NBAS: variants seen among roughly 807,000 people sequenced by gnomAD.
NBAS encodes the protein NAG/BC035112 fusion.
NBAS carries 219 observed loss-of-function variants against 302.5 expected under a neutral mutation model. The ratio of observed to expected loss-of-function variants is 0.72; its 90% CI spans 0.65 to 0.81. The LOEUF is 0.81. NBAS is among the 30% of genes least tolerant of loss of function. The pLI is 0.00. For missense variants in NBAS, 2,932 were observed against 2,841.6 expected (o/e 1.03, Z -0.72); for synonymous variants, 1,118 against 1,021.6 (o/e 1.09, Z -1.80).
the NBAS span, among the ~76,000 whole-genome samples, chr2:14,940,342 C>G: frequency 2.6e-5 from 4 of 152,154 alleles, no homozygotes; most frequent in Non-Finnish European, 5.9e-5. Context: ...AGCACCTCCC[C>G]TCTCTTTTCC....
chr2:15,332,251 A>G (rs1291084229), intron 35 of NBAS, among the ~76,000 whole-genome samples: 2 of 152,168 alleles, frequency 1.3e-5, no homozygotes, highest in Admixed American at 6.5e-5. Context: ...CGGCACCTTG[A>G]TTTTGGCCTT....
In NBAS at chr2:15,356,365, T is replaced by A; in HGVS notation, c.3869A>T (p.Gln1290Leu). 1 of 1,613,930 alleles carries A rather than the reference T, an allele frequency of 6.2e-7. No individual in the cohort carries two copies. The change falls in exon 33 of 52, where the codon CAG (glutamine) becomes CTG (leucine). Residue 1290 changes from glutamine (Q) to leucine (L), a missense_variant. By Grantham distance (113) the Gln-to-Leu change is moderately radical. Transcript: ENST00000281513. ...RGQVLILLVEQALRFHDYKAA... is the reference protein window; with the variant it reads ...RGQVLILLVELALRFHDYKAA... The stretch of plus-strand genomic sequence containing the variant: ...TTTGTAGTCATGGAAGCGAAGTGCC[T>A]GCTCCACTAAAAGGATTAGAACCTG...
the NBAS span, among the ~76,000 whole-genome samples, chr2:14,896,581 C>T: frequency 4.6e-5 from 7 of 152,082 alleles, no homozygotes; most frequent in African/African-American, 1.7e-4. Context: ...AGTTCTCTTG[C>T]CATTTTTTTT....
intron 29 of NBAS, among the ~76,000 whole-genome samples, chr2:15,380,078 A>G (rs944329475): frequency 6.6e-6 from 1 of 152,206 alleles, no homozygotes; most frequent in Non-Finnish European, 1.5e-5. Context: ...TTCATTGACT[A>G]AACCAAAATT....
At chr2:15,327,560 T>C (rs112295237) in intron 38 of NBAS, among the ~76,000 whole-genome samples, 190 bp downstream of exon 38, 5 of 152,180 alleles carry the variant, frequency 3.3e-5, no homozygotes, top group Admixed American at 1.3e-4. Context: ...ATCCTGAAAA[T>C]AGCAGGTTCT....
At chr2:14,999,050 C>T in the NBAS span, among the ~76,000 whole-genome samples, 5 of 152,226 alleles carry the variant, frequency 3.3e-5, no homozygotes, top group South Asian at 8.3e-4. Context: ...TCTCAGAGAC[C>T]CTCTAAAAGT....
At chr2:15,053,701 G>A in the NBAS span, among the ~76,000 whole-genome samples, 10 of 152,026 alleles carry the variant, frequency 6.6e-5, no homozygotes, top group South Asian at 4.2e-4. Flanking sequence ...CCTAGGGCAC[G>A]TCCATGTGGA....
the NBAS span, among the ~76,000 whole-genome samples, chr2:14,999,399 C>T: frequency 6.6e-6 from 1 of 152,128 alleles, no homozygotes; most frequent in Non-Finnish European, 1.5e-5. Context: ...TGTGTCCCCA[C>T]CCAAATCTCC....
intron 21 of NBAS, among the ~76,000 whole-genome samples, chr2:15,439,143 C>A (rs1358825803): frequency 2.6e-5 from 4 of 151,446 alleles, no homozygotes; most frequent in Admixed American, 6.6e-5. Context: ...AAAATACACA[C>A]ACAAAAAAAA....
Position 15,287,103 on chromosome 2 carries a change from G to A in NBAS, c.5108C>T (p.Thr1703Ile), listed in dbSNP as rs373023446. 21 of 1,613,776 alleles carry A rather than the reference G, an allele frequency of 1.3e-5. No homozygotes were observed. Among genetic ancestry groups the A allele is most frequent in the Non-Finnish European group, 1.5e-5 (18 of 1,179,666 alleles). ...YSVSRWEVFM[T>I]HLEFLFTDSG... ...GTCCGTGAAGAGGAACTCCAAATGG[G>A]TCATAAAAACTTCCCAGCGGGAGAC... is the stretch of plus-strand genomic sequence containing the variant. The change falls in exon 42 of 52, where the codon ACC (threonine) becomes ATC (isoleucine). Residue 1703 changes from threonine to isoleucine, a missense_variant. Coordinates refer to ENST00000281513, the MANE Select transcript of NBAS (RefSeq NM_015909.4).
chr2:15,238,646 A>T lies in NBAS; in HGVS notation c.5765T>A (p.Ile1922Asn), dbSNP rs754580352. Residue 1922 changes from isoleucine to asparagine, a missense_variant, in exon 45 of 52, where the codon ATT becomes AAT. By Grantham distance (149) the Ile-to-Asn change is moderately radical. Transcript: ENST00000281513. ...CTCAATAAAATGTTTGACTGTCTTAATAGCCTTTCTAGTCATCTCTTTACG... is the reference window on the plus strand; with the variant it reads ...CTCAATAAAATGTTTGACTGTCTTATTAGCCTTTCTAGTCATCTCTTTACG... The part of the protein sequence containing the change: ...EARKEMTRKA[I>N]KTVKHFIEKP... 4.3e-6 allele frequency: 7 copies of T among 1,613,256 alleles called. No individual in the cohort carries two copies. The East Asian group carries it at 1.3e-4, about 31-fold the overall frequency.
At chr2:14,787,289 T>G in the NBAS span, among the ~76,000 whole-genome samples, 1 of 152,218 alleles carries the variant, frequency 6.6e-6, no homozygotes, top group Non-Finnish European at 1.5e-5. Context: ...TGCCAGTCTG[T>G]GTCTTTTAAT....
the NBAS span, among the ~76,000 whole-genome samples, chr2:15,091,521 ATTTTCTTTTTTCT>A: frequency 7.1e-6 from 1 of 141,234 alleles, no homozygotes; most frequent in Non-Finnish European, 1.6e-5. Flanking sequence ...TTTCTTTTCT[ATTTTCTTTTTTCT>A]TTTTCTTTTT....
In NBAS at chr2:15,218,888, C is replaced by A. The variant is rs775551690; in HGVS notation, c.6317G>T (p.Arg2106Leu). The part of the protein sequence containing the change: ...CADDAWPVRP[R>L]IHVLQILGQS... ...CCCCAAAATCTGCAGCACGTGAATG[C>A]GGGGCCGCACCGGCCAGGCGTCATC... The change falls in exon 48 of 52, where the codon CGC becomes CTC. Residue 2106 changes from arginine to leucine, a missense_variant. By Grantham distance (102) the Arg-to-Leu change is moderately radical (BLOSUM62 -2). Coordinates refer to ENST00000281513, the MANE Select transcript of NBAS (RefSeq NM_015909.4). The A allele has an allele frequency of 7.4e-6, 12 of 1,614,132 alleles. No individual in the cohort carries two copies. The highest frequency in any genetic ancestry group is 1.6e-4 in the Middle Eastern group (1 of 6,084).
chr2:15,239,796 T>C (rs1667780872), intron 44 of NBAS, among the ~76,000 whole-genome samples: 2 of 152,270 alleles, frequency 1.3e-5, no homozygotes, highest in Non-Finnish European at 2.9e-5. Context: ...CACCCATTTA[T>C]TCAGTGACAC....
At chr2:15,535,418 A>C (rs1369627224) in intron 8 of NBAS, among the ~76,000 whole-genome samples, 1 of 152,028 alleles carries the variant, frequency 6.6e-6, no homozygotes, top group East Asian at 1.9e-4. Flanking sequence ...GCTACTTGAG[A>C]CACTGAGGCA....
the NBAS span, among the ~76,000 whole-genome samples, chr2:15,092,985 G>A: frequency 3.1e-3 from 468 of 152,186 alleles, 1 homozygote; most frequent in African/African-American, 0.011. Flanking sequence ...AATGTTCCTG[G>A]GGGTTAAAGT....
At chr2:15,292,969 A>G (rs914156485) in intron 40 of NBAS, among the ~76,000 whole-genome samples, 1 of 152,208 alleles carries the variant, frequency 6.6e-6, no homozygotes, top group Non-Finnish European at 1.5e-5. Context: ...GACAGGACAC[A>G]GAACTAGGCC....
At chr2:14,781,938 T>A in the NBAS span, among the ~76,000 whole-genome samples, 1 of 152,008 alleles carries the variant, frequency 6.6e-6, no homozygotes, top group Non-Finnish European at 1.5e-5. Flanking sequence ...AGCATGATGG[T>A]CATAGCCCTA....
Sources: allele counts gnomAD v4.1 joint callset (sites outside exome capture counted in the v4.1 genomes callset), GRCh38; gene constraint gnomAD v4.1.1; transcripts MANE v1.5; gene names NCBI Gene and HGNC (gene_info 2026-07-23, HGNC 2026-07-21).